The following GABBR2 variants were observed in gnomAD, a reference collection of about 807,000 sequenced individuals.
The protein encoded by GABBR2 is G-protein coupled receptor 51.
In GABBR2, 23 loss-of-function variants were observed where a neutral mutation model predicts 105.6. The observed-to-expected ratio is 0.22, with a 90% confidence interval of 0.16 to 0.31. The LOEUF (loss-of-function observed/expected upper bound fraction) is 0.31. GABBR2 is among the 10% of genes least tolerant of loss of function. GABBR2 has a pLI of 1.00. For synonymous variants in GABBR2, 478 were observed against 499.7 expected (o/e 0.96, Z 0.58); for missense variants, 734 against 1,245.5 (o/e 0.59, Z 6.18).
intron 13 of GABBR2, among the ~76,000 whole-genome samples, chr9:98,326,799 G>A (rs1830932283): frequency 6.6e-6 from 1 of 152,202 alleles, no homozygotes; most frequent in Non-Finnish European, 1.5e-5. Context: ...TCACGAGTCA[G>A]GTACTTTGCT....
intron 3 of GABBR2, among the ~76,000 whole-genome samples, chr9:98,509,641 A>G (rs571742109): frequency 2.0e-5 from 3 of 152,370 alleles, no homozygotes; most frequent in African/African-American, 7.2e-5. Context: ...CTCAGTAGCC[A>G]ATGCGATCAA....
chr9:98,489,868 G>A (rs1047065481), intron 4 of GABBR2, among the ~76,000 whole-genome samples: 3 of 152,182 alleles, frequency 2.0e-5, no homozygotes, highest in African/African-American at 4.8e-5. Context: ...CAAGGCGGAC[G>A]GATCACCTAA....
intron 2 of GABBR2, among the ~76,000 whole-genome samples, chr9:98,560,536 G>T (rs144512207): frequency 4.2e-4 from 63 of 150,852 alleles, no homozygotes; most frequent in African/African-American, 1.5e-3. Context: ...ACACACAGGC[G>T]CATTCACAAC....
intron 1 of GABBR2, among the ~76,000 whole-genome samples, chr9:98,586,546 C>T (rs1265964067): frequency 2.0e-5 from 3 of 152,160 alleles, no homozygotes; most frequent in African/African-American, 4.8e-5. Context: ...GTGATCCACC[C>T]GCCTTGGCCT....
Position 98,412,667 on chromosome 9 carries a change from C to T in GABBR2, c.1237-6526G>A, listed in dbSNP as rs548419350. Among the ~76,000 whole-genome samples, 41 of 152,316 alleles carry T rather than the reference C, an allele frequency of 2.7e-4. No individual in the cohort carries two copies. In the East Asian group the frequency reaches 5.0e-3, roughly 19 times the overall value. On this transcript the variant is annotated intron_variant, in intron 7 of 18. Coordinates refer to ENST00000259455, the MANE Select transcript of GABBR2 (RefSeq NM_005458.8). ...AAACTCCAATCCCTCTTCCCCAAAG[C>T]GGGTCAGAGAAACTAGCCATAAAAT...
chr9:98,666,896 A>G (rs1830342141), intron 1 of GABBR2, among the ~76,000 whole-genome samples: 2 of 152,190 alleles, frequency 1.3e-5, no homozygotes, highest in South Asian at 4.1e-4. Context: ...GGGGTAACTG[A>G]TCCTGGTCAT....
At position 98,458,322 on chromosome 9, in the gene GABBR2, G is replaced by C. The variant is rs1248489857; in HGVS notation, c.1000-4105C>G. On this transcript the variant is annotated intron_variant, in intron 6 of 18. Coordinates refer to ENST00000259455, the MANE Select transcript of GABBR2 (RefSeq NM_005458.8). ...ATCCCTGTGGGAGGTTTGAATCACA[G>C]AGTCTCATTTGGAAGTACACGAGAG... Among the ~76,000 whole-genome samples, 3 of 152,382 alleles carry C rather than the reference G, an allele frequency of 2.0e-5. No individual in the cohort carries two copies. In the East Asian group the frequency reaches 5.8e-4, roughly 29 times the overall value.
chr9:98,447,060 C>CTTTTTTTTTT (rs1564072366), intron 7 of GABBR2, among the ~76,000 whole-genome samples: 1 of 115,874 alleles, frequency 8.6e-6, no homozygotes, highest in African/African-American at 3.7e-5. Flanking sequence ...CTAAAAAAGA[C>CTTTTTTTTTT]TTCTTTTTTT....
chr9:98,599,064 C>T (rs890362486), intron 1 of GABBR2, among the ~76,000 whole-genome samples: 6 of 152,168 alleles, frequency 3.9e-5, no homozygotes, highest in South Asian at 2.1e-4. Flanking sequence ...GGAGACAAGA[C>T]GGGCACCCCC....
chr9:98,445,433 A>T (rs1826109001), intron 7 of GABBR2, among the ~76,000 whole-genome samples: 1 of 152,246 alleles, frequency 6.6e-6, no homozygotes, highest in African/African-American at 2.4e-5. Flanking sequence ...TCTCTTGAAA[A>T]TGCTTAAATT....
At chr9:98,433,995 T>C (rs1437084132) in intron 7 of GABBR2, among the ~76,000 whole-genome samples, 2 of 152,086 alleles carry the variant, frequency 1.3e-5, no homozygotes, top group African/African-American at 4.8e-5. Context: ...TGTGAGGGTG[T>C]TACCAAAGGA....
rs538411693 is a variant in GABBR2 at position 98,295,124 on chromosome 9, A to C, written c.2543-1222T>G. Among the ~76,000 whole-genome samples, 82 of 152,354 alleles carry C rather than the reference A, an allele frequency of 5.4e-4. 1 individual carries two copies. The highest frequency in any genetic ancestry group is 1.9e-3 in the African/African-American group (80 of 41,570). ...GTATTTGCGAACTCTTCTTCTGACT[A>C]AAATTTATTTGTAATCCCCAAATCA... On this transcript the variant is annotated intron_variant, in intron 17 of 18. Transcript: ENST00000259455.
intron 8 of GABBR2, among the ~76,000 whole-genome samples, chr9:98,399,388 C>T (rs939664263): frequency 6.6e-6 from 1 of 151,748 alleles, no homozygotes; most frequent in East Asian, 1.9e-4. Context: ...TTGGATGCCA[C>T]TGCTCTCAGA....
chr9:98,425,222 G>GTGAATGAATGAATGAA (rs3029536), intron 7 of GABBR2, among the ~76,000 whole-genome samples: 1 of 151,690 alleles, frequency 6.6e-6, no homozygotes, highest in African/African-American at 2.4e-5. Flanking sequence ...GAATGAATGG[G>GTGAATGAATGAATGAA]TGAATGAATG....
At chr9:98,408,375 T>G (rs1420135221) in intron 7 of GABBR2, among the ~76,000 whole-genome samples, 2 of 152,212 alleles carry the variant, frequency 1.3e-5, no homozygotes, top group Admixed American at 1.3e-4. Context: ...CACGGATGTG[T>G]AACTGACTAT....
At chr9:98,664,296 T>C (rs1044312468) in intron 1 of GABBR2, among the ~76,000 whole-genome samples, 6 of 152,208 alleles carry the variant, frequency 3.9e-5, no homozygotes, top group African/African-American at 1.2e-4. Flanking sequence ...ATCCCCATTG[T>C]ATTCCCATTT....
At chr9:98,385,907 A>G (rs1832063845) in intron 10 of GABBR2, 135 bp from the exon 11 acceptor site, 2 of 676,444 alleles carry the variant, frequency 3.0e-6, no homozygotes, top group Non-Finnish European at 5.0e-6. Flanking sequence ...GAAATACGCC[A>G]TGGGGCCTCA....
chr9:98,326,667 C>T (rs1053275155), intron 13 of GABBR2, among the ~76,000 whole-genome samples: 4 of 152,190 alleles, frequency 2.6e-5, no homozygotes, highest in Non-Finnish European at 4.4e-5. Flanking sequence ...AACCACCTGG[C>T]TTCACAGCTG....
intron 2 of GABBR2, among the ~76,000 whole-genome samples, chr9:98,550,594 C>T (rs542334978): frequency 1.4e-4 from 21 of 152,256 alleles, no homozygotes; most frequent in East Asian, 9.7e-4. Flanking sequence ...CTGGCAAAGA[C>T]GGGCAGCAGC....
Sources: allele counts gnomAD v4.1 joint callset (sites outside exome capture counted in the v4.1 genomes callset), GRCh38; gene constraint gnomAD v4.1.1; transcripts MANE v1.5; gene names NCBI Gene and HGNC (gene_info 2026-07-23, HGNC 2026-07-21).